GALNT13: variants seen among roughly 807,000 people sequenced by gnomAD.
GALNT13 encodes the protein polypeptide N-acetylgalactosaminyltransferase 13, also known as UDP-GalNAc:polypeptide N-acetylgalactosaminyltransferase 13.
GALNT13 carries 28 observed loss-of-function variants against 64.2 expected under a neutral mutation model. That is an observed-to-expected ratio of 0.44 (90% CI 0.32 to 0.60). The LOEUF (loss-of-function observed/expected upper bound fraction) is 0.60, where lower values mean the gene tolerates loss of function less well. Among genes scored for constraint, GALNT13 ranks in the 20% least tolerant of loss-of-function variants. GALNT13 has a pLI of 0.05. For synonymous variants in GALNT13, 214 were observed against 224.6 expected, an observed-to-expected ratio of 0.95 and a Z score of 0.42; for missense variants, 577 against 669.8, an observed-to-expected ratio of 0.86 and a Z score of 1.53.
chr2:153,800,197 A>AG, the GALNT13 span, among the ~76,000 whole-genome samples: 2 of 152,036 alleles, frequency 1.3e-5, no homozygotes, highest in Admixed American at 1.3e-4. Flanking sequence ...CACATAAATT[A>AG]GGGGGGCTTT....
chr2:153,983,689 T>G (rs936294103), intron 3 of GALNT13, among the ~76,000 whole-genome samples: 6 of 151,960 alleles, frequency 3.9e-5, no homozygotes, highest in South Asian at 2.1e-4. Flanking sequence ...AGAATTTGAG[T>G]GTAATTTATT....
At chr2:153,654,215 C>A in the GALNT13 span, among the ~76,000 whole-genome samples, 6 of 151,928 alleles carry the variant, frequency 3.9e-5, no homozygotes, top group Admixed American at 3.3e-4. Context: ...GTTTTTTCAA[C>A]AAATAATTGG....
chr2:153,742,520 C>T, the GALNT13 span, among the ~76,000 whole-genome samples: 3 of 152,014 alleles, frequency 2.0e-5, no homozygotes, highest in African/African-American at 7.2e-5. Context: ...TTCTAGTGGA[C>T]CCACCCCCAA....
the GALNT13 span, among the ~76,000 whole-genome samples, chr2:153,505,805 G>A: frequency 6.6e-6 from 1 of 152,116 alleles, no homozygotes; most frequent in Admixed American, 6.5e-5. Context: ...AATGTTCCGT[G>A]TGTTAATGCA....
intron 3 of GALNT13, among the ~76,000 whole-genome samples, chr2:154,009,583 T>G (rs2105243442): frequency 6.6e-6 from 1 of 151,214 alleles, no homozygotes; most frequent in South Asian, 2.1e-4. Flanking sequence ...CCCTGCCTCC[T>G]GGGTTCAACC....
At chr2:153,895,275 T>G (rs1687813816) in intron 1 of GALNT13, among the ~76,000 whole-genome samples, 1 of 152,172 alleles carries the variant, frequency 6.6e-6, no homozygotes, top group South Asian at 2.1e-4. Flanking sequence ...ATTTGTAGTG[T>G]TTCCTGCCTT....
At chr2:153,104,882 T>A in the GALNT13 span, among the ~76,000 whole-genome samples, 1 of 151,754 alleles carries the variant, frequency 6.6e-6, no homozygotes, top group East Asian at 1.9e-4. Context: ...CTTCCTTTTC[T>A]TTTTTTTATT....
chr2:154,269,904 G>GTATATATATATATATATATATATATATA (rs1404105316), intron 8 of GALNT13, among the ~76,000 whole-genome samples: 11 of 13,164 alleles, frequency 8.4e-4, no homozygotes, highest in Admixed American at 1.7e-3. Flanking sequence ...TTATATATAT[G>GTATATATATATATATATATATATATATA]TGTATATATA....
intron 4 of GALNT13, among the ~76,000 whole-genome samples, chr2:154,180,008 G>A (rs1685868508): frequency 6.6e-6 from 1 of 152,064 alleles, no homozygotes; most frequent in Non-Finnish European, 1.5e-5. Context: ...AAATTTCACA[G>A]CAAACTTTAC....
intron 11 of GALNT13, among the ~76,000 whole-genome samples, chr2:154,420,349 T>G (rs1700197356): frequency 6.6e-6 from 1 of 152,156 alleles, no homozygotes; most frequent in South Asian, 2.1e-4. Flanking sequence ...TTTACCAAGA[T>G]GAATTTGTCT....
At chr2:153,982,932 A>T (rs1694563963) in intron 3 of GALNT13, among the ~76,000 whole-genome samples, 1 of 151,976 alleles carries the variant, frequency 6.6e-6, no homozygotes, top group Non-Finnish European at 1.5e-5. Flanking sequence ...TAAGGTGCTG[A>T]GAATTTTTGT....
chr2:154,311,765 G>A (rs1443783110), intron 9 of GALNT13, among the ~76,000 whole-genome samples: 2 of 152,102 alleles, frequency 1.3e-5, no homozygotes, highest in African/African-American at 4.8e-5. Context: ...CGCCCTGGGG[G>A]GGCCAGTTCA....
the GALNT13 span, among the ~76,000 whole-genome samples, chr2:153,653,836 A>G: frequency 2.6e-5 from 4 of 152,338 alleles, no homozygotes; most frequent in South Asian, 6.2e-4. Context: ...AAAAAATTTT[A>G]TACAAGAATT....
intron 8 of GALNT13, among the ~76,000 whole-genome samples, chr2:154,272,079 C>A (rs1691384535): frequency 6.6e-6 from 1 of 151,644 alleles, no homozygotes; most frequent in Admixed American, 6.6e-5. Context: ...ATTTTCATTT[C>A]CATTAATAAA....
At chr2:153,206,823 G>A in the GALNT13 span, among the ~76,000 whole-genome samples, 1 of 152,016 alleles carries the variant, frequency 6.6e-6, no homozygotes, top group South Asian at 2.1e-4. Context: ...ATATTTTGTT[G>A]TTATAGAAAG....
chr2:153,342,953 G>T, the GALNT13 span, among the ~76,000 whole-genome samples: 1 of 152,102 alleles, frequency 6.6e-6, no homozygotes, highest in South Asian at 2.1e-4. Flanking sequence ...ATGTGTCAAG[G>T]AAAAGGCAAA....
chr2:154,290,060 C>T (rs930621899), intron 8 of GALNT13, among the ~76,000 whole-genome samples: 1 of 152,144 alleles, frequency 6.6e-6, no homozygotes, highest in African/African-American at 2.4e-5. Flanking sequence ...TGGGTAAAGG[C>T]TATAAAAGTT....
At chr2:153,749,220 T>C in the GALNT13 span, among the ~76,000 whole-genome samples, 1 of 152,044 alleles carries the variant, frequency 6.6e-6, no homozygotes, top group East Asian at 1.9e-4. Flanking sequence ...CCATACTGTG[T>C]TGATGACTAT....
chr2:153,439,713 C>T, the GALNT13 span, among the ~76,000 whole-genome samples: 1 of 152,294 alleles, frequency 6.6e-6, no homozygotes, highest in East Asian at 1.9e-4. Context: ...CAGGTGCCAT[C>T]AGTCACCCCT....
Sources: allele counts gnomAD v4.1 joint callset (sites outside exome capture counted in the v4.1 genomes callset), GRCh38; gene constraint gnomAD v4.1.1; transcripts MANE v1.5; gene names NCBI Gene and HGNC (gene_info 2026-07-23, HGNC 2026-07-21).